Variants in SLC39A12 observed in about 807,000 individuals in gnomAD.
The protein encoded by SLC39A12 is solute carrier family 39 member 12.
SLC39A12 carries 63 observed loss-of-function variants against 71.1 expected under a neutral mutation model. The observed-to-expected ratio is 0.89, with a 90% CI of 0.72 to 1.09. The LOEUF is 1.09. SLC39A12 is among the 50% of genes least tolerant of loss of function. SLC39A12 has a pLI of 0.00. For missense variants in SLC39A12, 892 were observed against 812.6 expected (o/e 1.10, Z -1.19); for synonymous variants, 351 against 301.3 (o/e 1.16, Z -1.71).
At chr10:18,033,745 G>T in intron 12 of SLC39A12, among the ~76,000 whole-genome samples, 1 of 139,658 alleles carries the variant, frequency 7.2e-6, no homozygotes. Flanking sequence ...GTGATGTTAG[G>T]GTGTCAATTT....
chr10:17,975,233 C>A (rs533336234), intron 4 of SLC39A12, among the ~76,000 whole-genome samples: 150 of 152,178 alleles, frequency 9.9e-4, no homozygotes, highest in African/African-American at 3.5e-3. Flanking sequence ...TCAGGCCCCC[C>A]ACCCCAAGAG....
In SLC39A12 at chr10:17,968,203, A is replaced by T. The variant is rs1834882603; in HGVS notation, c.751+2513A>T. On this transcript the variant is annotated intron_variant, in intron 4 of 12. Coordinates refer to ENST00000377369, the MANE Select transcript of SLC39A12 (RefSeq NM_001145195.2). ...TAAATACATATAGTTTTGACTATTT[A>T]TTTCCAGTTCTCATGCTTTTATTTA... Among the ~76,000 whole-genome samples, 4 of 151,852 alleles carry T rather than the reference A, an allele frequency of 2.6e-5. No homozygotes were observed. In the South Asian group the frequency reaches 6.2e-4, roughly 24 times the overall value.
At chr10:17,979,257 A>G (rs1015917994) in intron 5 of SLC39A12, among the ~76,000 whole-genome samples, 1 of 152,210 alleles carries the variant, frequency 6.6e-6, no homozygotes, top group Non-Finnish European at 1.5e-5. Context: ...TATGTTAGTG[A>G]TTTCAGAAGA....
At chr10:18,041,490 T>G (rs1051160993) in intron 12 of SLC39A12, among the ~76,000 whole-genome samples, 3 of 146,910 alleles carry the variant, frequency 2.0e-5, no homozygotes, top group African/African-American at 7.6e-5. Context: ...AGTGAGACTC[T>G]GTCTCAAAAA....
At position 17,968,581 on chromosome 10, in the gene SLC39A12, T is replaced by C. The variant is rs1019616306; in HGVS notation, c.751+2891T>C. 2.7e-5 allele frequency among the ~76,000 whole-genome samples: 4 copies of C among 148,176 alleles called. No individual in the cohort carries two copies. The South Asian group carries it at 8.3e-4, about 31-fold the overall frequency. ...CATTCATTGTTTATCTGAGAATGGC[T>C]TTTTTAAACCTTCAATCTGAAGGAT... On this transcript the variant is annotated intron_variant, in intron 4 of 12. Transcript: ENST00000377369.
intron 2 of SLC39A12, among the ~76,000 whole-genome samples, chr10:17,961,298 T>G (rs1834682005): frequency 6.6e-6 from 1 of 152,106 alleles, no homozygotes. Flanking sequence ...GGGCATCACT[T>G]TAAAAGCCAA....
At chr10:17,987,055 C>T (rs1278265823) in intron 6 of SLC39A12, among the ~76,000 whole-genome samples, 1 of 152,086 alleles carries the variant, frequency 6.6e-6, no homozygotes, top group Non-Finnish European at 1.5e-5. Context: ...AAGTTGGGGG[C>T]AGTGGGCTTA....
intron 6 of SLC39A12, among the ~76,000 whole-genome samples, chr10:17,984,585 G>T (rs1835354394): frequency 6.6e-6 from 1 of 152,126 alleles, no homozygotes; most frequent in Non-Finnish European, 1.5e-5. Flanking sequence ...GAGTCTGTGT[G>T]GGAAAGAATG....
intron 12 of SLC39A12, among the ~76,000 whole-genome samples, chr10:18,028,957 T>C (rs1836758363): frequency 1.3e-5 from 2 of 152,116 alleles, no homozygotes; most frequent in African/African-American, 2.4e-5. Flanking sequence ...TGACCTCAGG[T>C]GATCCACCCG....
chr10:18,012,544 A>G (rs985832757), intron 12 of SLC39A12, among the ~76,000 whole-genome samples: 1 of 152,120 alleles, frequency 6.6e-6, no homozygotes, highest in Non-Finnish European at 1.5e-5. Flanking sequence ...AAACCATCAC[A>G]AAGAAATTAG....
chr10:17,983,314 G>A (rs1835315515), intron 6 of SLC39A12, among the ~76,000 whole-genome samples: 1 of 151,706 alleles, frequency 6.6e-6, no homozygotes, highest in Non-Finnish European at 1.5e-5. Flanking sequence ...AACATAGGGA[G>A]ACCCCATCTC....
chr10:17,993,565 C>A (rs1835611063), intron 9 of SLC39A12, among the ~76,000 whole-genome samples: 1 of 152,204 alleles, frequency 6.6e-6, no homozygotes, highest in South Asian at 2.1e-4. Flanking sequence ...CGTCCTTAAT[C>A]CTTGTGTTTA....
chr10:17,982,098 A>G (rs1026873281), intron 6 of SLC39A12, among the ~76,000 whole-genome samples: 4 of 152,252 alleles, frequency 2.6e-5, no homozygotes, highest in Admixed American at 2.6e-4. Flanking sequence ...CAGTAAACCA[A>G]AGCTCACTGG....
intron 12 of SLC39A12, among the ~76,000 whole-genome samples, chr10:18,010,126 A>T (rs1486073425): frequency 6.6e-6 from 1 of 152,162 alleles, no homozygotes; most frequent in Non-Finnish European, 1.5e-5. Context: ...CTGAGTTTGA[A>T]TGAGTCTTTC....
chr10:17,953,848 T>C (rs1228119618), intron 2 of SLC39A12, among the ~76,000 whole-genome samples: 1 of 152,232 alleles, frequency 6.6e-6, no homozygotes, highest in Non-Finnish European at 1.5e-5. Flanking sequence ...ACTAATCTTT[T>C]CTTAAAGCCT....
intron 5 of SLC39A12, among the ~76,000 whole-genome samples, chr10:17,980,050 T>G (rs893613908): frequency 3.3e-5 from 5 of 152,142 alleles, no homozygotes; most frequent in Admixed American, 6.6e-5. Flanking sequence ...GGAAGAAGGT[T>G]GTGGGCAAAG....
At chr10:18,016,248 A>G (rs1236313809) in intron 12 of SLC39A12, among the ~76,000 whole-genome samples, 2 of 152,042 alleles carry the variant, frequency 1.3e-5, no homozygotes, top group Non-Finnish European at 2.9e-5. Context: ...TACTGTCTTC[A>G]TGGTTTTGTC....
intron 12 of SLC39A12, among the ~76,000 whole-genome samples, chr10:18,042,169 T>G (rs947135408): frequency 6.6e-6 from 1 of 151,994 alleles, no homozygotes; most frequent in Admixed American, 6.5e-5. Context: ...GGTTGGTAAC[T>G]ATGTCATTTT....
At chr10:17,999,659 C>G (rs1357327325) in intron 10 of SLC39A12, among the ~76,000 whole-genome samples, 3 of 152,146 alleles carry the variant, frequency 2.0e-5, no homozygotes, top group African/African-American at 7.2e-5. Context: ...ATTATGCAAT[C>G]GAATTCCATG....
Sources: allele counts gnomAD v4.1 joint callset (sites outside exome capture counted in the v4.1 genomes callset), GRCh38; gene constraint gnomAD v4.1.1; transcripts MANE v1.5; gene names NCBI Gene and HGNC (gene_info 2026-07-23, HGNC 2026-07-21).